Variants in TRPM3 observed in about 807,000 individuals in gnomAD.
TRPM3 encodes long transient receptor potential channel 3.
TRPM3 carries 77 observed loss-of-function variants against 181.2 expected under a neutral mutation model. The ratio of observed to expected loss-of-function variants is 0.42; its 90% CI spans 0.35 to 0.51. The LOEUF (loss-of-function observed/expected upper bound fraction) is 0.51. Ranked by LOEUF, TRPM3 falls within the 20% of genes least tolerant of loss-of-function variation. The pLI is 0.01. For missense variants in TRPM3, 1,759 were observed against 2,196.7 expected (o/e 0.80, Z 3.98); for synonymous variants, 745 against 796.4 (o/e 0.94, Z 1.09).
At chr9:70,569,442 T>G (rs2132133255) in intron 22 of TRPM3, among the ~76,000 whole-genome samples, 2 of 152,358 alleles carry the variant, frequency 1.3e-5, no homozygotes, top group South Asian at 4.1e-4. Flanking sequence ...TTTTGCTGTA[T>G]GTCATGAAGA....
At chr9:71,255,975 A>AT (rs1554855562) in intron 1 of TRPM3, among the ~76,000 whole-genome samples, 1 of 152,176 alleles carries the variant, frequency 6.6e-6, no homozygotes, top group Non-Finnish European at 1.5e-5. Context: ...AAGAAAAAAA[A>AT]TCGATTTATT....
At chr9:70,808,993 T>C (rs747851197) in intron 6 of TRPM3, among the ~76,000 whole-genome samples, 7 of 152,210 alleles carry the variant, frequency 4.6e-5, no homozygotes, top group Non-Finnish European at 1.0e-4. Flanking sequence ...AAAAGTCCTA[T>C]CACCTAGTGA....
rs577814630 is a variant in TRPM3 at position 71,326,073 on chromosome 9, G to T, written c.183+120580C>A. On this transcript the variant is annotated intron_variant, in intron 1 of 24. Transcript: ENST00000357533. ...ATTTCATCCAAATTTAGTAATACTT[G>T]CCCATGTCAGAAAATATTTTTACTT... Among the ~76,000 whole-genome samples, 3 of 152,228 alleles carry T rather than the reference G, an allele frequency of 2.0e-5. No homozygotes were observed. The South Asian group carries it at 6.2e-4, about 32-fold the overall frequency.
chr9:70,742,060 AAAAT>A lies in TRPM3; in HGVS notation c.1272+19537_1272+19540del, dbSNP rs529756806. On this transcript the variant is annotated intron_variant, in intron 8 of 25. Transcript: ENST00000677713. ...GTTTTTTAAAGTTTTTTAATTTTTT[AAAAT>A]AAATAAATTTCTGAAAAGTTATGAC... is the stretch of plus-strand genomic sequence containing the variant. Among the ~76,000 whole-genome samples the A allele has an allele frequency of 1.7e-3, 265 of 152,278 alleles. 1 individual carries two copies. The highest frequency in any genetic ancestry group is 6.2e-3 in the African/African-American group (257 of 41,574).
At chr9:71,274,129 G>T (rs903670794) in intron 1 of TRPM3, among the ~76,000 whole-genome samples, 8 of 152,160 alleles carry the variant, frequency 5.3e-5, no homozygotes, top group Non-Finnish European at 1.0e-4. Flanking sequence ...GCTCCAGGCT[G>T]CTCAAAGCCT....
At chr9:71,420,651 GAA>G (rs1416510155) in intron 1 of TRPM3, among the ~76,000 whole-genome samples, 6 of 84,658 alleles carry the variant, frequency 7.1e-5, no homozygotes, top group Admixed American at 3.0e-4. Context: ...GAGAGAAAGA[GAA>G]AGAAAAAGAG....
At position 71,423,913 on chromosome 9, in the gene TRPM3, T is replaced by C. The variant is rs540697719; in HGVS notation, c.183+22740A>G. ...AACCTATTTTTTTCATCTGCTTTTC[T>C]TCCAAATCCAGTAACGTATCCACCT... On this transcript the variant is annotated intron_variant, in intron 1 of 24. Coordinates refer to the TRPM3 transcript ENST00000357533. 2.0e-5 allele frequency among the ~76,000 whole-genome samples: 3 copies of C among 152,242 alleles called. No individual in the cohort carries two copies. The East Asian group carries it at 5.8e-4, about 29-fold the overall frequency.
rs376067126 is a variant in TRPM3 at position 71,423,382 on chromosome 9, G to C, written c.183+23271C>G. 2.0e-5 allele frequency among the ~76,000 whole-genome samples: 3 copies of C among 152,126 alleles called. No homozygotes were observed. In the East Asian group the frequency reaches 5.8e-4, roughly 29 times the overall value. ...ATCTTCTTTGCAACTATTTTGTAAT[G>C]TGATCTGCATATGGGAGAAGCAAAC... On this transcript the variant is annotated intron_variant, in intron 1 of 24. Transcript: ENST00000357533.
At chr9:70,958,887 A>C (rs2097107540) in intron 1 of TRPM3, among the ~76,000 whole-genome samples, 1 of 151,886 alleles carries the variant, frequency 6.6e-6, no homozygotes, top group Admixed American at 6.6e-5. Flanking sequence ...AATCATTCTC[A>C]GTAAACTATC....
chr9:70,955,235 T>C (rs2097055187), intron 1 of TRPM3, among the ~76,000 whole-genome samples: 1 of 152,182 alleles, frequency 6.6e-6, no homozygotes, highest in Admixed American at 6.5e-5. Flanking sequence ...CCTCTGCCAA[T>C]AGCAGACAAA....
At chr9:71,012,426 T>G (rs1324893857) in intron 1 of TRPM3, among the ~76,000 whole-genome samples, 3 of 151,606 alleles carry the variant, frequency 2.0e-5, no homozygotes, top group Non-Finnish European at 2.9e-5. Context: ...TTTTAACATC[T>G]GGCAGAGTTA....
intron 1 of TRPM3, among the ~76,000 whole-genome samples, chr9:71,120,729 A>C (rs2073447616): frequency 1.3e-5 from 2 of 152,200 alleles, no homozygotes; most frequent in African/African-American, 4.8e-5. Flanking sequence ...AATGAGGAGA[A>C]TCCTTTGTTC....
rs373031796 is a variant in TRPM3 at position 70,770,918 on chromosome 9, T to C, written c.1149-9194A>G. On this transcript the variant is annotated intron_variant, in intron 7 of 25. Coordinates refer to ENST00000677713, the MANE Select transcript of TRPM3 (RefSeq NM_001366145.2). ...TATTAGCTGGAGGAGTCCATCCCTA[T>C]GGGGGAGATAGATTTCAGTAATTCT... Among the ~76,000 whole-genome samples, 204 of 152,198 alleles carry C rather than the reference T, an allele frequency of 1.3e-3. 3 individuals carry two copies. In the South Asian group the frequency reaches 0.019, roughly 14 times the overall value.
intron 1 of TRPM3, among the ~76,000 whole-genome samples, chr9:71,395,874 C>T (rs900238257): frequency 7.2e-5 from 11 of 152,122 alleles, no homozygotes; most frequent in African/African-American, 2.7e-4. Flanking sequence ...TAAAACTTGA[C>T]AATCTGAAAG....
At chr9:71,230,810 C>A (rs763963966) in intron 1 of TRPM3, among the ~76,000 whole-genome samples, 6 of 152,294 alleles carry the variant, frequency 3.9e-5, no homozygotes, top group Middle Eastern at 6.8e-3. Context: ...TACAGTCAAG[C>A]TTACAAGACT....
intron 8 of TRPM3, among the ~76,000 whole-genome samples, chr9:70,741,861 T>C (rs558012622): frequency 1.3e-5 from 2 of 152,012 alleles, no homozygotes; most frequent in Non-Finnish European, 2.9e-5. Context: ...AGGCTATACA[T>C]TGGATACAGT....
intron 1 of TRPM3, among the ~76,000 whole-genome samples, chr9:71,139,607 G>T (rs555626564): frequency 1.3e-5 from 2 of 152,130 alleles, no homozygotes; most frequent in Non-Finnish European, 2.9e-5. Flanking sequence ...GGAACTAGCC[G>T]ATTTTGCCAT....
intron 1 of TRPM3, among the ~76,000 whole-genome samples, chr9:70,958,329 T>G (rs537090307): frequency 8.8e-6 from 1 of 113,032 alleles, no homozygotes; most frequent in Admixed American, 9.0e-5. Context: ...AATAATACTA[T>G]GCTCACAGTA....
chr9:71,312,908 T>C (rs773167250), intron 1 of TRPM3, among the ~76,000 whole-genome samples: 25 of 152,080 alleles, frequency 1.6e-4, no homozygotes, highest in Middle Eastern at 6.8e-3. Context: ...GAGAGATGAA[T>C]AGGCAGAGCA....
Sources: gnomAD v4.1 joint callset for allele counts (sites outside exome capture counted in the v4.1 genomes callset) on GRCh38, gnomAD v4.1.1 for gene constraint, MANE v1.5 for transcripts, NCBI Gene and HGNC (gene_info 2026-07-23, HGNC 2026-07-21) for gene names.